Variants in TMEM50A observed in about 807,000 individuals in gnomAD.
TMEM50A encodes the protein transmembrane protein 50A.
In TMEM50A, 8 loss-of-function variants were observed where a neutral mutation model predicts 23.9. The observed-to-expected ratio is 0.33, with a 90% confidence interval of 0.20 to 0.60. TMEM50A has a LOEUF of 0.60. TMEM50A is among the 20% of genes least tolerant of loss of function. The pLI, the probability that TMEM50A is intolerant of heterozygous loss-of-function variation, is 0.81. For missense variants in TMEM50A, 178 were observed against 192.7 expected (o/e 0.92, Z 0.45); for synonymous variants, 55 against 60.4 (o/e 0.91, Z 0.41).
intron 3 of TMEM50A, among the ~76,000 whole-genome samples, chr1:25,348,895 G>C (rs2124248561): frequency 6.6e-6 from 1 of 152,260 alleles, no homozygotes; most frequent in East Asian, 1.9e-4. Context: ...TATTAGGTGA[G>C]GTCAAGCATG....
intron 5 of TMEM50A, among the ~76,000 whole-genome samples, chr1:25,354,131 C>T (rs935154597): frequency 3.9e-5 from 6 of 152,032 alleles, no homozygotes; most frequent in Non-Finnish European, 7.4e-5. Context: ...GCTGAGATGA[C>T]GGGCGCATGC....
chr1:25,344,997 C>T (rs1293343885), intron 3 of TMEM50A, among the ~76,000 whole-genome samples: 2 of 152,074 alleles, frequency 1.3e-5, no homozygotes, highest in Non-Finnish European at 2.9e-5. Flanking sequence ...TCCCAGAAGC[C>T]CGTATCTGTC....
chr1:25,343,425 T>C (rs1427592443), intron 3 of TMEM50A, among the ~76,000 whole-genome samples: 1 of 152,072 alleles, frequency 6.6e-6, no homozygotes, highest in Admixed American at 6.5e-5. Context: ...GTACAGGACA[T>C]ATAGTAGTTA....
chr1:25,340,519 A>G lies in TMEM50A; in HGVS notation c.33A>G (p.Ser11=), dbSNP rs769246976. The change falls in exon 2 of 7, where the codon TCA becomes TCG. Residue 11 remains serine (S), a synonymous_variant. Transcript: ENST00000374358. MSGFLEGLRC[S]ECIDWGEKRN... Reference sequence around the variant, plus strand: ...GATTTCTAGAGGGCTTGAGATGCTCAGAATGCATTGACTGGGGGGAAAAGC... The same window carrying G: ...GATTTCTAGAGGGCTTGAGATGCTCGGAATGCATTGACTGGGGGGAAAAGC... 8 of 1,613,824 alleles carry G rather than the reference A, an allele frequency of 5.0e-6. No homozygotes were observed. The highest frequency in any genetic ancestry group is 6.8e-6 in the Non-Finnish European group (8 of 1,179,998).
intron 3 of TMEM50A, among the ~76,000 whole-genome samples, chr1:25,345,073 C>T (rs1645199743): frequency 6.6e-6 from 1 of 151,634 alleles, no homozygotes; most frequent in Non-Finnish European, 1.5e-5. Flanking sequence ...ACTTCCCTCC[C>T]CTGTTGATCA....
At chr1:25,345,120 C>CTTTTT (rs775789415) in intron 3 of TMEM50A, among the ~76,000 whole-genome samples, 26 of 117,446 alleles carry the variant, frequency 2.2e-4, no homozygotes, top group African/African-American at 7.4e-4. Flanking sequence ...ACCACATCTT[C>CTTTTT]TTTTTTTTTT....
At chr1:25,344,627 G>C (rs1009126500) in intron 3 of TMEM50A, among the ~76,000 whole-genome samples, 1 of 151,582 alleles carries the variant, frequency 6.6e-6, no homozygotes, top group African/African-American at 2.4e-5. Flanking sequence ...CGATCCACCT[G>C]CCTTGGCCTC....
In TMEM50A at chr1:25,352,910, C is replaced by T; in HGVS notation, c.303C>T (p.Phe101=). ...CTCGCATTTGGCTTTTCGTTGGTTT[C>T]ATGTTGGCCTTTGGATCTCTGATTG... The part of the protein sequence containing the change: ...TGARIWLFVG[F]MLAFGSLIAS... Residue 101 remains phenylalanine (F), a synonymous_variant, in exon 5 of 7, where the codon TTC becomes TTT. Coordinates refer to ENST00000374358, the MANE Select transcript of TMEM50A (RefSeq NM_014313.4). 1 of 1,613,326 alleles carries T rather than the reference C, an allele frequency of 6.2e-7. No individual in the cohort carries two copies.
chr1:25,346,598 C>G (rs1370172793), intron 3 of TMEM50A, among the ~76,000 whole-genome samples: 2 of 152,170 alleles, frequency 1.3e-5, no homozygotes, highest in Non-Finnish European at 2.9e-5. Context: ...CAGGATCTCA[C>G]TATGTTGCCC....
At chr1:25,340,045 T>A (rs1645151132) in intron 1 of TMEM50A, among the ~76,000 whole-genome samples, 1 of 152,170 alleles carries the variant, frequency 6.6e-6, no homozygotes, top group Non-Finnish European at 1.5e-5. Flanking sequence ...CAAGCGATTC[T>A]CCTGCCTCAG....
rs536129272 is a variant in TMEM50A at position 25,348,206 on chromosome 1, T to C, written c.207-3420T>C. Reference sequence around the variant, plus strand: ...ATCTTTTTATTATAGTGTCAGATAGTGTCAGGCCATAATTTTAAACAAAAA... The same window carrying C: ...ATCTTTTTATTATAGTGTCAGATAGCGTCAGGCCATAATTTTAAACAAAAA... On this transcript the variant is annotated intron_variant, in intron 3 of 6. Coordinates refer to ENST00000374358, the MANE Select transcript of TMEM50A (RefSeq NM_014313.4). Among the ~76,000 whole-genome samples the C allele has an allele frequency of 5.3e-5, 8 of 152,348 alleles. No individual in the cohort carries two copies. In the South Asian group the frequency reaches 1.7e-3, roughly 32 times the overall value.
At position 25,344,542 on chromosome 1, in the gene TMEM50A, GT is replaced by G. The variant is rs569255388; in HGVS notation, c.206+1479del. Among the ~76,000 whole-genome samples, 17 of 148,362 alleles carry G rather than the reference GT, an allele frequency of 1.1e-4. No homozygotes were observed. The South Asian group carries it at 1.7e-3, about 15-fold the overall frequency. On this transcript the variant is annotated intron_variant, in intron 3 of 6. Coordinates refer to ENST00000374358, the MANE Select transcript of TMEM50A (RefSeq NM_014313.4). The stretch of plus-strand genomic sequence containing the variant: ...TTATTTAGTATTGTTTTTTCCTATA[GT>G]TTTTTTTTTCTTCTTTAATTAAGAC...
At chr1:25,339,002 T>C (rs186668338) in intron 1 of TMEM50A, among the ~76,000 whole-genome samples, 94 of 152,282 alleles carry the variant, frequency 6.2e-4, no homozygotes, top group African/African-American at 2.1e-3. Context: ...ATCAAATGAG[T>C]GAATTTCCTA....
chr1:25,348,683 C>CAAAA (rs57543271), intron 3 of TMEM50A, among the ~76,000 whole-genome samples: 1 of 141,348 alleles, frequency 7.1e-6, no homozygotes. Flanking sequence ...GACTCCATCT[C>CAAAA]AAAAAAAAAA....
intron 5 of TMEM50A, 72 bp downstream of exon 5, chr1:25,353,046 GAATAAA>G (rs1400295258): frequency 4.6e-5 from 66 of 1,438,018 alleles, no homozygotes; most frequent in Non-Finnish European, 5.9e-5. Context: ...GGTTATTTTA[GAATAAA>G]ATTTTTTTCC....
chr1:25,359,844 C>G (rs1645376624), intron 6 of TMEM50A, among the ~76,000 whole-genome samples: 1 of 152,164 alleles, frequency 6.6e-6, no homozygotes, highest in Admixed American at 6.6e-5. Flanking sequence ...TCACATATTA[C>G]CACCTCTGTA....
At chr1:25,347,882 T>C (rs1645235323) in intron 3 of TMEM50A, among the ~76,000 whole-genome samples, 1 of 152,264 alleles carries the variant, frequency 6.6e-6, no homozygotes, top group Admixed American at 6.5e-5. Context: ...AATGATGCTG[T>C]TAGAATTCTT....
intron 2 of TMEM50A, among the ~76,000 whole-genome samples, chr1:25,341,607 G>C (rs950451366): frequency 6.6e-6 from 1 of 152,054 alleles, no homozygotes; most frequent in African/African-American, 2.4e-5. Flanking sequence ...TTGAACTCCC[G>C]ACCTCAGATG....
At chr1:25,341,493 G>A (rs934066352) in intron 2 of TMEM50A, among the ~76,000 whole-genome samples, 58 of 152,016 alleles carry the variant, frequency 3.8e-4, no homozygotes, top group Non-Finnish European at 6.5e-4. Flanking sequence ...TGATCCGCCT[G>A]CCTCGGCCTT....
Sources: gnomAD v4.1 joint callset for allele counts (sites outside exome capture counted in the v4.1 genomes callset) on GRCh38, gnomAD v4.1.1 for gene constraint, MANE v1.5 for transcripts, NCBI Gene and HGNC (gene_info 2026-07-23, HGNC 2026-07-21) for gene names.